Variants in AGAP2 observed in about 807,000 individuals in gnomAD.
The protein encoded by AGAP2 is ArfGAP with GTPase domain, ankyrin repeat and PH domain 2.
In AGAP2, 32 loss-of-function variants were observed where a neutral mutation model predicts 110.9. The observed-to-expected ratio is 0.29, with a 90% CI of 0.22 to 0.39. AGAP2 has a LOEUF of 0.39. Among genes scored for constraint, AGAP2 ranks in the 10% least tolerant of loss-of-function variants. AGAP2 has a pLI of 1.00. For missense variants in AGAP2, 1,285 were observed against 1,638.5 expected (o/e 0.78, Z 3.72); for synonymous variants, 702 against 713.0 (o/e 0.98, Z 0.25).
intron 17 of AGAP2, 30 bp from the exon 18 acceptor site, chr12:57,727,259 T>G (rs925485924): frequency 1.2e-6 from 2 of 1,612,332 alleles, no homozygotes; most frequent in African/African-American, 2.7e-5. Context: ...CGGAAAAGGC[T>G]CTAGGGACCC....
At chr12:57,738,916 G>T (rs1001386481), upstream of AGAP2, among the ~76,000 whole-genome samples, 2 of 151,982 alleles carry the variant, frequency 1.3e-5, no homozygotes, top group African/African-American at 4.8e-5. This position sits in a 1 kb window ranked among gnomAD's most constrained non-coding sequence, Gnocchi z 6.7. Flanking sequence ...CCTCGCCTGG[G>T]CTCGGCTTGG....
intron 5 of AGAP2, among the ~76,000 whole-genome samples, chr12:57,733,273 A>AG (rs1484804545): frequency 6.6e-6 from 1 of 152,092 alleles, no homozygotes; most frequent in Non-Finnish European, 1.5e-5. Context: ...TACATAGCTG[A>AG]GACCCAGGCG....
Position 57,727,737 on chromosome 12 carries a change from A to T in AGAP2, c.2801T>A (p.Ile934Asn). The change falls in exon 16 of 19, where the codon ATC becomes AAC. Residue 934 changes from isoleucine (I) to asparagine (N), a missense_variant. Ile to Asn is a moderately radical substitution (Grantham distance 149). Transcript: ENST00000547588. ...CCCCTTGGCGTTCCGGATCGCCTGG[A>T]TGGCCACGGCCTCGCTTTGGCTGTC... Reference protein sequence around the residue: ...RTDSQSEAVAIQAIRNAKGNS... With the variant: ...RTDSQSEAVANQAIRNAKGNS... The T allele has an allele frequency of 6.3e-7, 1 of 1,593,942 alleles. No individual in the cohort carries two copies. Among genetic ancestry groups the T allele is most frequent in the Non-Finnish European group, 8.6e-7 (1 of 1,169,228 alleles).
chr12:57,723,862 T>C (rs701008), downstream of AGAP2: 46,768 of 152,054 alleles, frequency 0.31, 8,510 homozygotes, highest in East Asian at 0.63. Context: ...GAAGGCAATT[T>C]CATTCTCTCC....
At position 57,726,985 on chromosome 12, in the gene AGAP2, G is replaced by T. The variant is rs1220098432; in HGVS notation, c.3325C>A (p.Leu1109Met). The stretch of plus-strand genomic sequence containing the variant: ...CCCAGCTCACGTACCCACAGCAGCA[G>T]TTGCGTGATGACGACGTGGGCGAGC... Reference protein sequence around the residue: ...AELAHVVITQLLLWYGADVAA... With the variant: ...AELAHVVITQMLLWYGADVAA... Residue 1109 changes from leucine (L) to methionine (M), a missense_variant, in exon 18 of 19, where the codon CTG becomes ATG. By Grantham distance (15) the Leu-to-Met change is conservative. Around this residue, in one of 7 missense-constraint regions of AGAP2, gnomAD observed 201 missense variants for 276.1 expected, o/e 0.73. Transcript: ENST00000547588. This position sits in a 1 kb window ranked among gnomAD's most constrained non-coding sequence, Gnocchi z 5.7. The T allele has an allele frequency of 1.3e-6, 2 of 1,591,978 alleles. No individual in the cohort carries two copies. Among genetic ancestry groups the T allele is most frequent in the Non-Finnish European group, 8.6e-7 (1 of 1,169,198 alleles).
Position 57,729,733 on chromosome 12 carries a change from A to G in AGAP2, c.2463T>C (p.Ser821=), listed in dbSNP as rs149262637. The change falls in exon 13 of 19, where the codon AGT becomes AGC. Residue 821 remains serine (S), a synonymous_variant. Coordinates refer to ENST00000547588, the MANE Select transcript of AGAP2 (RefSeq NM_001122772.3). ...CCATGGGAGAAGGAGGGGGTTCCCG[A>G]CTCAGGGGGCTCAGGTCTCCAGATG... The part of the protein sequence containing the change: ...CTPSGDLSPL[S]REPPPSPMVK... 227 of 1,613,474 alleles carry G rather than the reference A, an allele frequency of 1.4e-4. 4 individuals carry two copies. The African/African-American group carries it at 2.6e-3, about 18-fold the overall frequency.
chr12:57,726,449 G>T lies in AGAP2; in HGVS notation c.*103C>A. ...GGGTAGGAAGTGCTCCCGTGGGGCGGGGTGCGGATCGGAGAGGTGAGTGGG... is the reference window on the plus strand; with the variant it reads ...GGGTAGGAAGTGCTCCCGTGGGGCGTGGTGCGGATCGGAGAGGTGAGTGGG... On this transcript the variant is annotated 3_prime_UTR_variant, in exon 19 of 19. Transcript: ENST00000547588. This position sits in a 1 kb window ranked among gnomAD's most constrained non-coding sequence, Gnocchi z 5.7. The T allele has an allele frequency of 9.2e-7, 1 of 1,086,164 alleles. No individual in the cohort carries two copies. The highest frequency in any genetic ancestry group is 4.8e-5 in the East Asian group (1 of 20,820). 67.3% of individuals were successfully genotyped at this position (1,086,164 alleles called of 1,614,324 possible). A position where few individuals can be genotyped will look rare whatever the true frequency, so the allele number is the denominator to read the frequency against.
chr12:57,727,275 C>A (rs1159546348), intron 17 of AGAP2, 46 bp from the exon 18 acceptor site: 1 of 1,612,094 alleles, frequency 6.2e-7, no homozygotes, highest in Non-Finnish European at 8.5e-7. Context: ...GACCCCCAGC[C>A]AGGACTTCTG....
In AGAP2 at chr12:57,727,587, G is replaced by T. The variant is rs748238548; in HGVS notation, c.2858-5C>A. 6.2e-7 allele frequency: 1 copy of T among 1,600,842 alleles called. No homozygotes were observed. Among genetic ancestry groups the T allele is most frequent in the African/African-American group, 1.3e-5 (1 of 75,000 alleles). On this transcript the variant is annotated splice_polypyrimidine_tract_variant and splice_region_variant and intron_variant, in intron 16 of 18. Transcript: ENST00000547588. ...TCAAGCTGGCCCACGTGGGGTCTGC[G>T]GAAGGAGCGTAGAGGTCGGCTCCCA... is the stretch of plus-strand genomic sequence containing the variant.
At chr12:57,739,252 T>C (rs1185933635), upstream of AGAP2, among the ~76,000 whole-genome samples, 1 of 152,116 alleles carries the variant, frequency 6.6e-6, no homozygotes, top group Admixed American at 6.5e-5. Context: ...CCAGGGTCAC[T>C]GCCAATTCTG....
At position 57,738,169 on chromosome 12, in the gene AGAP2, C is replaced by A. The variant is rs771398498; in HGVS notation, c.78G>T (p.Ser26=). 2.6e-6 allele frequency: 4 copies of A among 1,524,016 alleles called. No homozygotes were observed. The Admixed American group carries it at 7.9e-5, about 30-fold the overall frequency. 94.4% of individuals were successfully genotyped at this position (1,524,016 alleles called of 1,614,324 possible). Residue 26 remains serine (S), a synonymous_variant, in exon 1 of 19, where the codon TCG becomes TCT. Transcript: ENST00000547588. The surrounding 1 kb of genome is among the most constrained non-coding windows in gnomAD (Gnocchi z 6.7). ...ACGGAGAAGGCGGCGGCGGAGGCAC[C>A]GACTCGAGCTTAACCAGGGTCAGCG... ...LISLTLVKLE[S]VPPPPPSPSA...
At chr12:57,732,082 A>G (rs1954897589) in intron 7 of AGAP2, 115 bp from the exon 8 acceptor site, 1 of 1,220,802 alleles carries the variant, frequency 8.2e-7, no homozygotes, top group Non-Finnish European at 1.1e-6. Context: ...CCATTTATTT[A>G]TGTTGTCATT....
chr12:57,732,416 G>C lies in AGAP2; in HGVS notation c.1781C>G (p.Pro594Arg), dbSNP rs138992134. ...SSPSHSAAST[P>R]VAGQASNGGH... ...ACCCCAACTCACCTGGCCAGCTACC[G>C]GAGTGGATGCAGCTGAGTGGCTTGG... Residue 594 changes from proline to arginine, a missense_variant, in exon 7 of 19, where the codon CCG becomes CGG. Transcript: ENST00000547588. 1 of 1,604,170 alleles carries C rather than the reference G, an allele frequency of 6.2e-7. No individual in the cohort carries two copies. The highest frequency in any genetic ancestry group is 8.5e-7 in the Non-Finnish European group (1 of 1,174,844).
Position 57,726,539 on chromosome 12 carries a change from T to C in AGAP2, c.*13A>G. The C allele has an allele frequency of 8.2e-7, 1 of 1,213,392 alleles. No individual in the cohort carries two copies. The highest frequency in any genetic ancestry group is 1.0e-6 in the Non-Finnish European group (1 of 974,576). 75.2% of individuals were successfully genotyped at this position (1,213,392 alleles called of 1,614,324 possible). A position where few individuals can be genotyped will look rare whatever the true frequency, so the allele number is the denominator to read the frequency against. On this transcript the variant is annotated 3_prime_UTR_variant, in exon 19 of 19. Coordinates refer to ENST00000547588, the MANE Select transcript of AGAP2 (RefSeq NM_001122772.3). The surrounding 1 kb of genome is among the most constrained non-coding windows in gnomAD (Gnocchi z 5.7). ...GCCCGCGTGGGGATGGGGGTGTCTC[T>C]CCCGCTGGGCAACTATACCAGCGCA...
rs1400461432 is a variant in AGAP2, at chr12:57,727,041, T to G, written c.3269A>C (p.Gln1090Pro). ...CGCCAGGTGGAGTGGGGAGCGCAGCTGTGGGTCCTCTACGCTGGTGTCGAG... is the reference window on the plus strand; with the variant it reads ...CGCCAGGTGGAGTGGGGAGCGCAGCGGTGGGTCCTCTACGCTGGTGTCGAG... ...GPLDTSVEDP[Q>P]LRSPLHLAAE... Residue 1090 changes from glutamine (Q) to proline (P), a missense_variant, in exon 18 of 19, where the codon CAG (glutamine) becomes CCG (proline). By Grantham distance (76) the Gln-to-Pro change is moderately conservative (BLOSUM62 -1). Coordinates refer to ENST00000547588, the MANE Select transcript of AGAP2 (RefSeq NM_001122772.3). 8.1e-6 allele frequency: 13 copies of G among 1,608,954 alleles called. No individual in the cohort carries two copies. The highest frequency in any genetic ancestry group is 1.1e-5 in the Non-Finnish European group (13 of 1,178,546).
At chr12:57,742,100 C>T, upstream of AGAP2, 3 of 1,608,742 alleles carry the variant, frequency 1.9e-6, no homozygotes, top group East Asian at 2.2e-5. Context: ...GCCAGGCTAA[C>T]AACCACCTCT....
In AGAP2 at chr12:57,738,507, G is replaced by C. The variant is rs2140369582; in HGVS notation, c.-261C>G. Among the ~76,000 whole-genome samples, 1 of 151,916 alleles carries C rather than the reference G, an allele frequency of 6.6e-6. No homozygotes were observed. The highest frequency in any genetic ancestry group is 2.1e-4 in the South Asian group (1 of 4,828). ...GGGACCTTGGTGCTGCTCCAGGGAG[G>C]CGCGCCGGACCGTCCACCCCGGCCT... is the stretch of plus-strand genomic sequence containing the variant. On this transcript the variant is annotated 5_prime_UTR_variant, in exon 1 of 19. Transcript: ENST00000547588. This position sits in a 1 kb window ranked among gnomAD's most constrained non-coding sequence, Gnocchi z 6.7.
At chr12:57,730,393 C>T (rs1954862195) in intron 12 of AGAP2, 102 bp downstream of exon 12, 10 of 1,473,824 alleles carry the variant, frequency 6.8e-6, no homozygotes, top group Non-Finnish European at 9.3e-7. Flanking sequence ...TGTGTTCACT[C>T]ATGCATTTAT....
At chr12:57,740,046 G>A (rs573869493), upstream of AGAP2, 1 of 152,404 alleles carries the variant, frequency 6.6e-6, no homozygotes, top group Non-Finnish European at 1.5e-5. Context: ...GATGGGCGAA[G>A]GAAGGTCTCT....
Sources: allele counts gnomAD v4.1 joint callset (sites outside exome capture counted in the v4.1 genomes callset), GRCh38; gene constraint gnomAD v4.1.1; regional missense constraint gnomAD v4.1.1; non-coding constraint Gnocchi (gnomAD v3.1); transcripts MANE v1.5; gene names NCBI Gene and HGNC (gene_info 2026-07-23, HGNC 2026-07-21).